TMC6: variants seen among roughly 807,000 people sequenced by gnomAD.
TMC6 encodes transmembrane channel like 6.
In TMC6, 71 loss-of-function variants were observed where a neutral mutation model predicts 95.4. That is an observed-to-expected ratio of 0.74 (90% CI 0.61 to 0.91). TMC6 has a LOEUF of 0.91. Among genes scored for constraint, TMC6 ranks in the 40% least tolerant of loss-of-function variants. The pLI, the probability that TMC6 is intolerant of heterozygous loss-of-function variation, is 0.00. For synonymous variants in TMC6, 514 were observed against 483.1 expected (o/e 1.06, Z -0.84); for missense variants, 1,074 against 1,079.1 (o/e 1.00, Z 0.07).
Position 78,122,742 on chromosome 17 carries a change from G to T in TMC6, c.1090C>A (p.His364Asn). The T allele has an allele frequency of 1.2e-6, 2 of 1,610,236 alleles. No homozygotes were observed. Among genetic ancestry groups the T allele is most frequent in the Non-Finnish European group, 1.7e-6 (2 of 1,178,952 alleles). ...ACCCGGTAGCTCTCCCCGAAAGAGT[G>T]AGCCATGCTGGGGAGAAGCAGACAC... Reference protein sequence around the residue: ...TCITLVYSMAHSFGESYRVGS... With the variant: ...TCITLVYSMANSFGESYRVGS... The change falls in exon 10 of 20, where the codon CAC (histidine) becomes AAC (asparagine). Residue 364 changes from histidine to asparagine, a missense_variant. Physicochemically the swap from His to Asn is moderately conservative, Grantham distance 68. Transcript: ENST00000590602. The surrounding 1 kb of genome is among the most constrained non-coding windows in gnomAD (Gnocchi z 4.9).
chr17:78,131,768 T>G (rs1299382689), upstream of TMC6: 2 of 1,561,042 alleles, frequency 1.3e-6, no homozygotes, highest in Non-Finnish European at 1.7e-6. Flanking sequence ...AGACGGTGCG[T>G]GGGGGGGGTG....
chr17:78,119,430 C>A (rs2074297966), intron 13 of TMC6, 38 bp from the exon 14 acceptor site: 1 of 1,610,478 alleles, frequency 6.2e-7, no homozygotes, highest in Non-Finnish European at 8.5e-7. Flanking sequence ...ATGGGAAAGC[C>A]ATGCCCAGGG....
At chr17:78,114,599 GC>G (rs2073960848) in intron 18 of TMC6, among the ~76,000 whole-genome samples, 1 of 152,038 alleles carries the variant, frequency 6.6e-6, no homozygotes, top group Non-Finnish European at 1.5e-5. Flanking sequence ...GGGATTCCCC[GC>G]CCGGAGCTTC....
At position 78,109,838 on chromosome 17, in the gene TMC6, G is replaced by A. The variant is rs759992056; in HGVS notation, c.*3310C>T. On this transcript the variant is annotated 3_prime_UTR_variant, in exon 20 of 20. Coordinates refer to ENST00000590602, the MANE Select transcript of TMC6 (RefSeq NM_001127198.5). ...TCCCAGCACTTTGGGAGTCCGAGGC[G>A]GGCGGATCACCTGAGGTCAGGAGTT... 1.3e-4 allele frequency: 42 copies of A among 330,988 alleles called. No individual in the cohort carries two copies. The highest frequency in any genetic ancestry group is 2.4e-4 in the South Asian group (10 of 42,256). 20.5% of individuals were successfully genotyped at this position (330,988 alleles called of 1,614,324 possible).
In TMC6 at chr17:78,114,458, C is replaced by T. The variant is rs574140157; in HGVS notation, c.2278-834G>A. Among the ~76,000 whole-genome samples the T allele has an allele frequency of 2.8e-4, 43 of 152,210 alleles. 1 individual carries two copies. The highest frequency in any genetic ancestry group is 4.8e-4 in the African/African-American group (20 of 41,530). ...TCACAGGCTCCATCCAGTCTTAGGA[C>T]GGGGACATCTTTGGGGCCAGTACTG... On this transcript the variant is annotated intron_variant, in intron 18 of 19. Transcript: ENST00000590602.
At chr17:78,126,470 G>A in intron 3 of TMC6, 54 bp downstream of exon 3, 16 of 1,610,428 alleles carry the variant, frequency 9.9e-6, no homozygotes, top group Non-Finnish European at 1.4e-5. Context: ...GTCCTGAGGG[G>A]CTGGGGCACC....
chr17:78,120,013 C>T, intron 13 of TMC6: 1 of 391,244 alleles, frequency 2.6e-6, no homozygotes. Flanking sequence ...AAGAAAACAC[C>T]AAGAGGAAAA....
chr17:78,126,329 G>A lies in TMC6; in HGVS notation c.219C>T (p.Thr73=). 1 of 1,577,646 alleles carries A rather than the reference G, an allele frequency of 6.3e-7. No homozygotes were observed. Among genetic ancestry groups the A allele is most frequent in the Non-Finnish European group, 8.6e-7 (1 of 1,166,516 alleles). ...GGATGCGGAGTGTGGCCGTGCTCTG[G>A]GTGCCCTCGGGCCGCCAGAGTGTCT... ...SQQTLWRPEG[T]QSTATLRILA... The change falls in exon 4 of 20, where the codon ACC becomes ACT. Residue 73 remains threonine (T), a synonymous_variant. Coordinates refer to ENST00000590602, the MANE Select transcript of TMC6 (RefSeq NM_001127198.5).
intron 13 of TMC6, chr17:78,120,363 C>G: frequency 4.1e-6 from 2 of 492,426 alleles, no homozygotes; most frequent in Non-Finnish European, 7.9e-6. Flanking sequence ...TTTTGCCATG[C>G]TGGCCAGGCT....
intron 13 of TMC6, 123 bp from the exon 14 acceptor site, chr17:78,119,515 T>C (rs918449151): frequency 1.0e-6 from 1 of 986,516 alleles, no homozygotes; most frequent in Non-Finnish European, 1.6e-6. Flanking sequence ...CCACAGATAA[T>C]GCCAAGAAGA....
In TMC6 at chr17:78,109,656, C is replaced by G. The variant is rs2073786065; in HGVS notation, c.*3492G>C. 4.7e-6 allele frequency: 2 copies of G among 428,468 alleles called. No individual in the cohort carries two copies. The highest frequency in any genetic ancestry group is 2.4e-5 in the Admixed American group (1 of 41,006). The allele number at this position is 428,468 out of a possible 1,614,324, so 26.5% of individuals were successfully genotyped here. ...AAAAGCAGAAGCACATTTCCGAAGC[C>G]CCCCAAGCCCACGGGCGTGAGTGCA... On this transcript the variant is annotated 3_prime_UTR_variant, in exon 20 of 20. Transcript: ENST00000590602.
In TMC6 at chr17:78,121,003, G is replaced by A. The variant is rs546888861; in HGVS notation, c.1535+10C>T. 5.6e-5 allele frequency: 90 copies of A among 1,613,288 alleles called. No homozygotes were observed. The highest frequency in any genetic ancestry group is 6.9e-5 in the Non-Finnish European group (81 of 1,180,002). ...AGCACCAAATGATGTTTTCATGTGCGGCCACACACCTGCAGATGGCCACGT... is the reference window on the plus strand; with the variant it reads ...AGCACCAAATGATGTTTTCATGTGCAGCCACACACCTGCAGATGGCCACGT... On this transcript the variant is annotated intron_variant, in intron 12 of 19. Transcript: ENST00000590602. This position sits in a 1 kb window ranked among gnomAD's most constrained non-coding sequence, Gnocchi z 5.6.
Position 78,123,761 on chromosome 17 carries a change from T to C in TMC6, c.1082+228A>G, listed in dbSNP as rs149574761. Among the ~76,000 whole-genome samples the C allele has an allele frequency of 0.028, 3,064 of 109,560 alleles. 81 individuals are homozygous for C. The highest frequency in any genetic ancestry group is 0.23 in the Middle Eastern group (27 of 120). 71.9% of individuals were successfully genotyped at this position (109,560 alleles called of 152,430 possible). A position where few individuals can be genotyped will look rare whatever the true frequency, so the allele number is the denominator to read the frequency against. Reference sequence around the variant, plus strand: ...CTGAATGGGTAAATGGGTGGGTGAATTGAGTGGGTGGATGGGTGGGTGGAT... The same window carrying C: ...CTGAATGGGTAAATGGGTGGGTGAACTGAGTGGGTGGATGGGTGGGTGGAT... On this transcript the variant is annotated intron_variant, in intron 9 of 19. Transcript: ENST00000590602.
upstream of TMC6, chr17:78,131,021 A>C: frequency 5.4e-6 from 1 of 184,962 alleles, no homozygotes; most frequent in Non-Finnish European, 1.1e-5. Flanking sequence ...AGGCTGGACC[A>C]CAAGAAGGAA....
upstream of TMC6, chr17:78,132,338 C>CA: frequency 6.2e-7 from 1 of 1,612,286 alleles, no homozygotes; most frequent in South Asian, 1.1e-5. Flanking sequence ...CTCCCTGACC[C>CA]ACCCTGCTCT....
chr17:78,125,088 C>T, intron 6 of TMC6, 70 bp downstream of exon 6: 1 of 1,543,596 alleles, frequency 6.5e-7, no homozygotes, highest in Non-Finnish European at 8.7e-7. Flanking sequence ...TCCCCCACCA[C>T]CTAGCCCAGC....
At position 78,113,607 on chromosome 17, in the gene TMC6, G is replaced by A. The variant is rs755364192; in HGVS notation, c.2295C>T (p.Ile765=). The A allele has an allele frequency of 3.7e-6, 6 of 1,613,704 alleles. No homozygotes were observed. Among genetic ancestry groups the A allele is most frequent in the East Asian group, 4.5e-5 (2 of 44,886 alleles). ...TGGAGTGAAGCTTGTTGATTAAGAAGATTTTGTCCTCACCCTCCTAGAAAG... is the reference window on the plus strand; with the variant it reads ...TGGAGTGAAGCTTGTTGATTAAGAAAATTTTGTCCTCACCCTCCTAGAAAG... ...EQISNEGEDK[I]FLINKLHSIY... Residue 765 remains isoleucine, a synonymous_variant, in exon 19 of 20, where the codon ATC becomes ATT. Coordinates refer to ENST00000590602, the MANE Select transcript of TMC6 (RefSeq NM_001127198.5).
In TMC6 at chr17:78,119,393, C is replaced by T; in HGVS notation, c.1716-1G>A. On this transcript the variant is annotated splice_acceptor_variant, in intron 13 of 19. Transcript: ENST00000590602. LOFTEE classifies it high-confidence loss of function. ...CTTCAGCTTCTTCTCGGAGATAATC[C>T]TGCCTCCGAGGACCCCGGATCGTTA... is the stretch of plus-strand genomic sequence containing the variant. 1.2e-6 allele frequency: 2 copies of T among 1,612,426 alleles called. No individual in the cohort carries two copies. Among genetic ancestry groups the T allele is most frequent in the Middle Eastern group, 1.6e-4 (1 of 6,062 alleles).
chr17:78,121,596 C>T lies in TMC6; in HGVS notation c.1343G>A (p.Cys448Tyr). The change falls in exon 11 of 20, where the codon TGC (cysteine) becomes TAC (tyrosine). Residue 448 changes from cysteine to tyrosine, a missense_variant. Transcript: ENST00000590602. The surrounding 1 kb of genome is among the most constrained non-coding windows in gnomAD (Gnocchi z 5.6). ...WLLCLGTALG[C>Y]AVAVHVFSEF... ...CGAGAAGACGTGGACGGCCACGGCGCAGCCCAGCGCGGTCCCCAGACACAG... is the reference window on the plus strand; with the variant it reads ...CGAGAAGACGTGGACGGCCACGGCGTAGCCCAGCGCGGTCCCCAGACACAG... 1 of 1,611,506 alleles carries T rather than the reference C, an allele frequency of 6.2e-7. No homozygotes were observed.
Sources: allele counts gnomAD v4.1 joint callset (sites outside exome capture counted in the v4.1 genomes callset), GRCh38; gene constraint gnomAD v4.1.1; non-coding constraint Gnocchi (gnomAD v3.1); transcripts MANE v1.5; gene names NCBI Gene and HGNC (gene_info 2026-07-23, HGNC 2026-07-21).